The following TENM4 variants were observed in gnomAD, a reference collection of about 807,000 sequenced individuals.
TENM4 encodes the protein teneurin-4.
TENM4 carries 82 observed loss-of-function variants against 243.3 expected under a neutral mutation model. The ratio of observed to expected loss-of-function variants is 0.34; its 90% CI spans 0.28 to 0.40. The LOEUF (loss-of-function observed/expected upper bound fraction) is 0.40. Ranked by LOEUF, TENM4 falls within the 10% of genes least tolerant of loss-of-function variation. The pLI, the probability that TENM4 is intolerant of heterozygous loss-of-function variation, is 1.00. For synonymous variants in TENM4, 1,412 were observed against 1,456.3 expected (o/e 0.97, Z 0.69); for missense variants, 3,138 against 3,673.3 (o/e 0.85, Z 3.77).
At chr11:79,250,859 A>G (rs1410747273) in intron 2 of TENM4, among the ~76,000 whole-genome samples, 1 of 152,216 alleles carries the variant, frequency 6.6e-6, no homozygotes. Flanking sequence ...CTTCACAAAC[A>G]TGCATTTCTT....
chr11:79,245,960 A>C (rs1855507823), intron 2 of TENM4, among the ~76,000 whole-genome samples: 1 of 150,408 alleles, frequency 6.6e-6, no homozygotes, highest in African/African-American at 2.4e-5. Flanking sequence ...AAAAAAAAAA[A>C]AAGAAAAGAA....
At chr11:79,029,847 CA>C (rs1227254028) in intron 6 of TENM4, among the ~76,000 whole-genome samples, 5 of 152,188 alleles carry the variant, frequency 3.3e-5, no homozygotes, top group African/African-American at 9.7e-5. Context: ...ACTTCGGTAA[CA>C]GCTTTTATTT....
intron 6 of TENM4, among the ~76,000 whole-genome samples, chr11:78,904,042 G>A (rs1305299351): frequency 6.6e-6 from 1 of 152,082 alleles, no homozygotes; most frequent in Non-Finnish European, 1.5e-5. Flanking sequence ...ATGGTACACA[G>A]TAAACGAAAC....
intron 2 of TENM4, among the ~76,000 whole-genome samples, chr11:79,254,570 A>G (rs537694642): frequency 6.6e-6 from 1 of 152,318 alleles, no homozygotes; most frequent in Non-Finnish European, 1.5e-5. Flanking sequence ...CTTTCTGATC[A>G]TGCACATCCA....
intron 19 of TENM4, among the ~76,000 whole-genome samples, chr11:78,744,783 G>A (rs1253817461): frequency 6.6e-6 from 1 of 152,198 alleles, no homozygotes; most frequent in Non-Finnish European, 1.5e-5. Flanking sequence ...CATACATTTG[G>A]TGCAAGGTTT....
At chr11:78,885,108 T>C (rs948315745) in intron 9 of TENM4, among the ~76,000 whole-genome samples, 2 of 152,208 alleles carry the variant, frequency 1.3e-5, no homozygotes, top group Admixed American at 6.5e-5. Flanking sequence ...CAATAAAGCA[T>C]TTAATTGCTT....
At chr11:79,429,126 T>C (rs1247101379) in intron 1 of TENM4, among the ~76,000 whole-genome samples, 4 of 152,280 alleles carry the variant, frequency 2.6e-5, no homozygotes, top group African/African-American at 9.6e-5. Context: ...TTTAACATGA[T>C]CAAGCTGGTG....
chr11:78,663,343 T>A (rs540815368), intron 32 of TENM4, among the ~76,000 whole-genome samples: 2 of 152,236 alleles, frequency 1.3e-5, no homozygotes, highest in Non-Finnish European at 2.9e-5. Context: ...GATGATATAG[T>A]TTGAATATTT....
At chr11:79,218,443 T>C (rs899812718) in intron 2 of TENM4, among the ~76,000 whole-genome samples, 1 of 152,186 alleles carries the variant, frequency 6.6e-6, no homozygotes, top group Admixed American at 6.5e-5. Flanking sequence ...AAGTGATATG[T>C]ACGTTTTATG....
chr11:78,894,827 T>C (rs1267614477), intron 7 of TENM4, among the ~76,000 whole-genome samples: 1 of 150,992 alleles, frequency 6.6e-6, no homozygotes, highest in Non-Finnish European at 1.5e-5. Flanking sequence ...ATCCCATCTC[T>C]AGAAAAAAAT....
chr11:79,103,691 C>A (rs1470582084), intron 4 of TENM4, among the ~76,000 whole-genome samples: 1 of 152,162 alleles, frequency 6.6e-6, no homozygotes, highest in African/African-American at 2.4e-5. Context: ...TCATAAATGT[C>A]AAAATGTAAA....
intron 2 of TENM4, among the ~76,000 whole-genome samples, chr11:79,278,129 A>G (rs1483460150): frequency 6.6e-6 from 1 of 152,204 alleles, no homozygotes; most frequent in Non-Finnish European, 1.5e-5. Flanking sequence ...GTGACTGGTA[A>G]TACATGGGGG....
chr11:79,182,126 T>C (rs886675692), intron 3 of TENM4, among the ~76,000 whole-genome samples: 1 of 152,112 alleles, frequency 6.6e-6, no homozygotes. Flanking sequence ...AAAAGATCCA[T>C]AATAGCCAAC....
chr11:78,894,844 A>G (rs1855750027), intron 7 of TENM4, among the ~76,000 whole-genome samples: 1 of 151,520 alleles, frequency 6.6e-6, no homozygotes, highest in Non-Finnish European at 1.5e-5. Context: ...AAATTCAAAA[A>G]CTAGCCAGGC....
intron 4 of TENM4, among the ~76,000 whole-genome samples, chr11:79,072,526 C>T (rs1365098628): frequency 1.3e-5 from 2 of 152,036 alleles, no homozygotes; most frequent in East Asian, 3.8e-4. Context: ...TAATGACCCA[C>T]TACACACATT....
In TENM4 at chr11:78,805,273, C is replaced by T. The variant is rs929601625; in HGVS notation, c.2179+19G>A. On this transcript the variant is annotated intron_variant, in intron 15 of 33. Transcript: ENST00000278550. The stretch of plus-strand genomic sequence containing the variant: ...AAATCCCCTCCCTCTACCCATGCTT[C>T]TTCTCCCCCTGCATTTACCGATAGA... The T allele has an allele frequency of 3.7e-4, 1 of 2,720 alleles. No individual in the cohort carries two copies. The highest frequency in any genetic ancestry group is 6.5e-4 in the Non-Finnish European group (1 of 1,540). 0.2% of individuals were successfully genotyped at this position (2,720 alleles called of 1,614,324 possible).
chr11:78,769,148 T>A (rs1856599185), intron 18 of TENM4, among the ~76,000 whole-genome samples: 1 of 152,176 alleles, frequency 6.6e-6, no homozygotes, highest in Non-Finnish European at 1.5e-5. Context: ...ATTACATGAG[T>A]GTTATTATTA....
At chr11:78,891,839 G>C (rs1855673998) in intron 7 of TENM4, among the ~76,000 whole-genome samples, 1 of 152,144 alleles carries the variant, frequency 6.6e-6, no homozygotes, top group African/African-American at 2.4e-5. Context: ...ACAGTGGCTA[G>C]AGACACTCAT....
At chr11:78,990,213 C>A (rs1374648366) in intron 6 of TENM4, among the ~76,000 whole-genome samples, 2 of 152,080 alleles carry the variant, frequency 1.3e-5, no homozygotes, top group African/African-American at 4.8e-5. Flanking sequence ...GCTGAAGAAG[C>A]ATGGGTCAAA....
Sources: gnomAD v4.1 joint callset for allele counts (sites outside exome capture counted in the v4.1 genomes callset) on GRCh38, gnomAD v4.1.1 for gene constraint, MANE v1.5 for transcripts, NCBI Gene and HGNC (gene_info 2026-07-23, HGNC 2026-07-21) for gene names.